Variants in TPM4 observed in about 807,000 individuals in gnomAD.
TPM4 encodes the protein tropomyosin alpha-4 chain.
A neutral mutation model predicts 35.8 loss-of-function variants in TPM4; 17 were observed. That is an observed-to-expected ratio of 0.47 (90% CI 0.32 to 0.71). The LOEUF is 0.71. TPM4 is among the 30% of genes least tolerant of loss of function. TPM4 has a pLI of 0.03. For synonymous variants in TPM4, 120 were observed against 122.9 expected (o/e 0.98, Z 0.15); for missense variants, 240 against 320.9 (o/e 0.75, Z 1.93).
chr19:16,086,721 A>G (rs916065005), intron 3 of TPM4, among the ~76,000 whole-genome samples, 181 bp downstream of exon 3: 1 of 152,198 alleles, frequency 6.6e-6, no homozygotes. Context: ...ACGATGCCAG[A>G]AAGTGCTGCG....
chr19:16,092,791 C>T (rs532955815), intron 5 of TPM4, among the ~76,000 whole-genome samples: 1 of 152,346 alleles, frequency 6.6e-6, no homozygotes, highest in Admixed American at 6.5e-5. Flanking sequence ...CCGCCTTGGC[C>T]TCCCAGAGTA....
In TPM4 at chr19:16,101,420, C is replaced by A. The variant is rs2090762688; in HGVS notation, c.*74C>A. 4 of 1,158,278 alleles carry A rather than the reference C, an allele frequency of 3.5e-6. No homozygotes were observed. In the South Asian group the frequency reaches 4.8e-5, roughly 14 times the overall value. The allele number at this position is 1,158,278 out of a possible 1,614,324, so 71.8% of individuals were successfully genotyped here. ...TCTTTCTCTTCTCTTGTAAGAAGTT[C>A]CTTTTGTTATTGCCATCTTCGCTTT... On this transcript the variant is annotated 3_prime_UTR_variant, in exon 8 of 8. Coordinates refer to ENST00000643579, the MANE Select transcript of TPM4 (RefSeq NM_003290.3).
chr19:16,088,307 C>A, intron 4 of TPM4: 2 of 1,393,714 alleles, frequency 1.4e-6, no homozygotes, highest in Non-Finnish European at 1.9e-6. Context: ...CACGTGTTGA[C>A]CCTTTCTGCA....
intron 5 of TPM4, among the ~76,000 whole-genome samples, chr19:16,092,732 C>T (rs1163957126): frequency 2.0e-5 from 3 of 152,144 alleles, no homozygotes; most frequent in African/African-American, 4.8e-5. Context: ...GACAGCGTTT[C>T]GCCATGTTGG....
intron 2 of TPM4, among the ~76,000 whole-genome samples, chr19:16,085,846 A>G (rs1034041656): frequency 2.0e-5 from 3 of 152,010 alleles, no homozygotes; most frequent in African/African-American, 7.3e-5. Context: ...AGGCGGGCAG[A>G]TCACTTGAGG....
intron 1 of TPM4, chr19:16,077,532 C>T (rs2090426427): frequency 6.6e-6 from 1 of 152,208 alleles, no homozygotes; most frequent in Non-Finnish European, 1.5e-5. Flanking sequence ...TCCTGGCTGT[C>T]CCTCGGGACA....
upstream of TPM4, chr19:16,076,287 C>T: frequency 6.6e-7 from 1 of 1,519,894 alleles, no homozygotes; most frequent in Non-Finnish European, 8.8e-7. Context: ...GGCGGCGCCT[C>T]CCAGCGCTTT....
Position 16,077,372 on chromosome 19 carries a change from T to G in TPM4, c.132+675T>G, listed in dbSNP as rs1421377697. The G allele has an allele frequency of 2.0e-5, 3 of 151,986 alleles. No individual in the cohort carries two copies. The East Asian group carries it at 5.8e-4, about 30-fold the overall frequency. The allele number at this position is 151,986 out of a possible 1,614,324, so 9.4% of individuals were successfully genotyped here. A position where few individuals can be genotyped will look rare whatever the true frequency, so the allele number is the denominator to read the frequency against. ...AACCGGGGCGGCGGGACCCTGCCTC[T>G]CTCCAGAAGGCCCCGGGAACGCTGG... On this transcript the variant is annotated intron_variant, in intron 1 of 7. Transcript: ENST00000643579.
chr19:16,069,120 G>T (rs955589501), intron 2 of TPM4, among the ~76,000 whole-genome samples: 1 of 152,142 alleles, frequency 6.6e-6, no homozygotes, highest in African/African-American at 2.4e-5. Context: ...TGTGTATCAG[G>T]GTGATGGGTT....
chr19:16,072,960 T>C (rs1599358936), upstream of TPM4, among the ~76,000 whole-genome samples: 1 of 152,224 alleles, frequency 6.6e-6, no homozygotes, highest in East Asian at 1.9e-4. Flanking sequence ...AAATGCCAGA[T>C]AGCCCCCTGT....
At position 16,101,044 on chromosome 19, in the gene TPM4, G is replaced by A. The variant is rs1282128383; in HGVS notation, c.665-220G>A. On this transcript the variant is annotated intron_variant, in intron 7 of 7. Coordinates refer to ENST00000643579, the MANE Select transcript of TPM4 (RefSeq NM_003290.3). The stretch of plus-strand genomic sequence containing the variant: ...AATTAGCCGGGTGGTGGTGGCACGC[G>A]TCTGTAATCCCAGCTACTCGGGAGG... 3.5e-5 allele frequency: 13 copies of A among 367,128 alleles called. No individual in the cohort carries two copies. In the East Asian group the frequency reaches 3.8e-4, roughly 11 times the overall value. 22.7% of individuals were successfully genotyped at this position (367,128 alleles called of 1,614,324 possible).
At chr19:16,098,347 G>A (rs2090723964) in intron 7 of TPM4, among the ~76,000 whole-genome samples, 1 of 152,096 alleles carries the variant, frequency 6.6e-6, no homozygotes, top group Admixed American at 6.6e-5. Context: ...GGAGGCTGAG[G>A]TGGGAAAATC....
At chr19:16,078,014 C>T (rs2090434118) in intron 1 of TPM4, 2 of 393,214 alleles carry the variant, frequency 5.1e-6, no homozygotes, top group South Asian at 1.3e-4. Context: ...ACCTCGTGAT[C>T]TGCCCACCTT....
At chr19:16,083,395 A>C (rs2090508562) in intron 2 of TPM4, among the ~76,000 whole-genome samples, 2 of 152,112 alleles carry the variant, frequency 1.3e-5, no homozygotes, top group African/African-American at 2.4e-5. Context: ...GCAGTGAGCC[A>C]AGATCGCACC....
At chr19:16,097,524 T>C (rs961108743) in intron 7 of TPM4, among the ~76,000 whole-genome samples, 2 of 152,116 alleles carry the variant, frequency 1.3e-5, no homozygotes, top group African/African-American at 4.8e-5. Context: ...TCCACCCGCC[T>C]CGGCCTCCCA....
chr19:16,072,353 G>A (rs557480167), upstream of TPM4, among the ~76,000 whole-genome samples: 8 of 152,326 alleles, frequency 5.3e-5, no homozygotes, highest in South Asian at 6.2e-4. Context: ...TAGGCGTGGC[G>A]AAAGCTCTGC....
rs1379197584 is a variant in TPM4, at chr19:16,081,928, G to A, written c.148G>A (p.Ala50Thr). The change falls in exon 2 of 8, where the codon GCC (alanine) becomes ACC (threonine). Residue 50 changes from alanine to threonine, a missense_variant. Ala to Thr is a moderately conservative substitution (Grantham distance 58). Transcript: ENST00000643579. The stretch of plus-strand genomic sequence containing the variant: ...ACCTCCCCAGGCTGAAGGTGATGTG[G>A]CCGCCCTCAACCGACGCATCCAGCT... ...ERREKAEGDV[A>T]ALNRRIQLVE... The A allele has an allele frequency of 3.1e-6, 5 of 1,599,008 alleles. No homozygotes were observed. In the South Asian group the frequency reaches 3.3e-5, roughly 11 times the overall value.
chr19:16,068,208 C>T (rs927976651), intron 2 of TPM4, among the ~76,000 whole-genome samples: 3 of 150,928 alleles, frequency 2.0e-5, no homozygotes, highest in Admixed American at 6.6e-5. Flanking sequence ...GACAGAGTCT[C>T]GCTCTGTGGC....
At chr19:16,085,150 G>A (rs1461763711) in intron 2 of TPM4, among the ~76,000 whole-genome samples, 3 of 152,120 alleles carry the variant, frequency 2.0e-5, no homozygotes, top group African/African-American at 4.8e-5. Flanking sequence ...CCACTCAAGG[G>A]ACTGAGGTGG....
Sources: gnomAD v4.1 joint callset for allele counts (sites outside exome capture counted in the v4.1 genomes callset) on GRCh38, gnomAD v4.1.1 for gene constraint, MANE v1.5 for transcripts, NCBI Gene and HGNC (gene_info 2026-07-23, HGNC 2026-07-21) for gene names.